HDAC9: variants seen among roughly 807,000 people sequenced by gnomAD.
HDAC9 encodes the protein MEF-2 interacting transcription repressor (MITR) protein.
Under a neutral mutation model 139.4 loss-of-function variants are expected in HDAC9, and 41 were observed. The ratio of observed to expected loss-of-function variants is 0.29; its 90% CI spans 0.23 to 0.38. The LOEUF (loss-of-function observed/expected upper bound fraction) is 0.38. Among genes scored for constraint, HDAC9 ranks in the 10% least tolerant of loss-of-function variants. HDAC9 has a pLI of 1.00. For synonymous variants in HDAC9, 517 were observed against 476.2 expected (o/e 1.09, Z -1.12); for missense variants, 1,147 against 1,297.0 (o/e 0.88, Z 1.78).
intron 25 of HDAC9, among the ~76,000 whole-genome samples, chr7:18,993,695 C>T (rs965362603): frequency 1.1e-4 from 16 of 151,788 alleles, no homozygotes; most frequent in African/African-American, 2.4e-4. Context: ...CTCAGCTATT[C>T]GGGATACTGA....
At chr7:18,383,581 G>A (rs1330183161) in intron 1 of HDAC9, among the ~76,000 whole-genome samples, 1 of 151,978 alleles carries the variant, frequency 6.6e-6, no homozygotes, top group Non-Finnish European at 1.5e-5. Flanking sequence ...ATGGATCACA[G>A]GATTGAATGT....
intron 17 of HDAC9, among the ~76,000 whole-genome samples, chr7:18,825,726 A>G (rs1180013566): frequency 6.7e-6 from 1 of 148,632 alleles, no homozygotes; most frequent in African/African-American, 2.4e-5. Context: ...TAAAAAATAT[A>G]TATTTGTATG....
intron 21 of HDAC9, among the ~76,000 whole-genome samples, chr7:18,868,274 T>C (rs1428643774): frequency 6.6e-6 from 1 of 152,188 alleles, no homozygotes; most frequent in Non-Finnish European, 1.5e-5. Flanking sequence ...GTTAGCATTC[T>C]AGAAGATAGC....
intron 21 of HDAC9, among the ~76,000 whole-genome samples, chr7:18,869,165 T>G (rs570206182): frequency 1.3e-5 from 2 of 151,306 alleles, no homozygotes; most frequent in Admixed American, 6.6e-5. Context: ...TGTGTGTGTG[T>G]GTGTGTGTGT....
chr7:18,510,969 C>G (rs78859288), intron 2 of HDAC9, among the ~76,000 whole-genome samples: 44 of 152,132 alleles, frequency 2.9e-4, no homozygotes, highest in African/African-American at 8.0e-4. Context: ...TAATTGAGTT[C>G]GTTGATAATA....
intron 22 of HDAC9, among the ~76,000 whole-genome samples, chr7:18,877,947 CT>C (rs974589484): frequency 1.8e-4 from 27 of 152,128 alleles, no homozygotes; most frequent in Non-Finnish European, 2.6e-4. Context: ...CAGTGCTGCT[CT>C]TTAAGGACCA....
rs760566839 is a variant in HDAC9, at chr7:18,634,687, C to G, written c.857C>G (p.Thr286Ser). 4 of 1,599,276 alleles carry G rather than the reference C, an allele frequency of 2.5e-6. No homozygotes were observed. Among genetic ancestry groups the G allele is most frequent in the Non-Finnish European group, 3.4e-6 (4 of 1,172,254 alleles). ...CCCAGTTCACCAAACAATGGGCCAA[C>G]TGGAAGTGTTACTGAAAATGAGACT... ...SGPSSPNNGP[T>S]GSVTENETSV... The change falls in exon 8 of 26, where the codon ACT becomes AGT. Residue 286 changes from threonine (T) to serine (S), a missense_variant. Around this residue, in one of 7 missense-constraint regions of HDAC9, gnomAD observed 264 missense variants for 273.8 expected, o/e 0.96. Coordinates refer to ENST00000686413, the MANE Select transcript of HDAC9 (RefSeq NM_178425.4).
intron 22 of HDAC9, among the ~76,000 whole-genome samples, chr7:18,917,247 G>C (rs1021471672): frequency 6.6e-6 from 1 of 151,908 alleles, no homozygotes; most frequent in Non-Finnish European, 1.5e-5. Flanking sequence ...AGTCATGAGG[G>C]AGAACTCAGG....
intron 2 of HDAC9, among the ~76,000 whole-genome samples, chr7:18,552,815 G>A (rs144214898): frequency 2.0e-5 from 3 of 152,252 alleles, no homozygotes; most frequent in South Asian, 2.1e-4. Context: ...TGACTCTAGA[G>A]GTAAACCTGT....
At chr7:18,747,059 T>C (rs774685291) in intron 13 of HDAC9, among the ~76,000 whole-genome samples, 3 of 152,080 alleles carry the variant, frequency 2.0e-5, no homozygotes, top group Non-Finnish European at 4.4e-5. Context: ...ATAGAGGGAA[T>C]AGCATGTATA....
rs766883187 is a variant in HDAC9 at position 18,585,571 on chromosome 7, G to A, written c.264+49G>A. ...GACCTTACTCAGGAGTCTGCACCGT[G>A]GTGGGCATGAACAGTGCCCATGGGA... On this transcript the variant is annotated intron_variant, in intron 3 of 25. Coordinates refer to ENST00000686413, the MANE Select transcript of HDAC9 (RefSeq NM_178425.4). 9 of 1,599,862 alleles carry A rather than the reference G, an allele frequency of 5.6e-6. No individual in the cohort carries two copies. The Admixed American group carries it at 1.0e-4, about 18-fold the overall frequency.
intron 1 of HDAC9, among the ~76,000 whole-genome samples, chr7:18,292,958 T>A (rs375878256): frequency 3.0e-4 from 45 of 151,918 alleles, no homozygotes; most frequent in African/African-American, 1.1e-3. Context: ...AACTTTGGAG[T>A]TTTTTTTCCC....
At chr7:18,681,691 C>T (rs1781899119) in intron 12 of HDAC9, among the ~76,000 whole-genome samples, 1 of 152,008 alleles carries the variant, frequency 6.6e-6, no homozygotes, top group African/African-American at 2.4e-5. Context: ...ATTATAGATA[C>T]ATGCACAGTT....
intron 2 of HDAC9, among the ~76,000 whole-genome samples, chr7:18,223,637 T>A (rs1362521687): frequency 6.6e-6 from 1 of 152,184 alleles, no homozygotes; most frequent in African/African-American, 2.4e-5. Context: ...CACTGTGTTT[T>A]CTTTTTTTAA....
intron 22 of HDAC9, among the ~76,000 whole-genome samples, chr7:18,906,714 A>G (rs552708330): frequency 2.6e-5 from 4 of 152,298 alleles, no homozygotes; most frequent in Admixed American, 2.6e-4. Context: ...GCCTCCTACA[A>G]ATAGATTCAA....
At chr7:18,107,315 T>G (rs1030817093) in intron 1 of HDAC9, among the ~76,000 whole-genome samples, 1 of 152,220 alleles carries the variant, frequency 6.6e-6, no homozygotes, top group Non-Finnish European at 1.5e-5. Context: ...TCTTTACAAC[T>G]AAATTCCAGT....
intron 22 of HDAC9, among the ~76,000 whole-genome samples, chr7:18,883,547 T>C (rs1045082453): frequency 6.6e-6 from 1 of 152,016 alleles, no homozygotes; most frequent in African/African-American, 2.4e-5. Flanking sequence ...CTCAACAAAA[T>C]AAAAGCCATA....
chr7:18,412,710 A>G (rs541517117), intron 1 of HDAC9, among the ~76,000 whole-genome samples: 3 of 152,212 alleles, frequency 2.0e-5, no homozygotes, highest in Non-Finnish European at 2.9e-5. Flanking sequence ...TTCATAATAA[A>G]AAGTATATGC....
At chr7:18,988,675 C>T (rs1160685530) in intron 25 of HDAC9, among the ~76,000 whole-genome samples, 5 of 151,542 alleles carry the variant, frequency 3.3e-5, no homozygotes, top group African/African-American at 1.2e-4. Context: ...TTAAAGTCTC[C>T]CATTATTAAT....
Sources: gnomAD v4.1 joint callset for allele counts (sites outside exome capture counted in the v4.1 genomes callset) on GRCh38, gnomAD v4.1.1 for gene constraint, gnomAD v4.1.1 regional missense constraint, MANE v1.5 for transcripts, NCBI Gene and HGNC (gene_info 2026-07-23, HGNC 2026-07-21) for gene names.